Variants in PDSS2 observed in about 807,000 individuals in gnomAD.
The protein encoded by PDSS2 is decaprenyl diphosphate synthase subunit 2, also known as all trans-polyprenyl-diphosphate synthase PDSS2.
A neutral mutation model predicts 44.5 loss-of-function variants in PDSS2; 31 were observed. That is an observed-to-expected ratio of 0.70 (90% CI 0.52 to 0.94). PDSS2 has a LOEUF of 0.94. Ranked by LOEUF, PDSS2 falls within the 40% of genes least tolerant of loss-of-function variation. PDSS2 has a pLI of 0.00. For missense variants in PDSS2, 452 were observed against 482.2 expected, an observed-to-expected ratio of 0.94 and a Z score of 0.59; for synonymous variants, 157 against 180.3, an observed-to-expected ratio of 0.87 and a Z score of 1.03.
At chr6:107,248,268 A>G (rs1053407125) in intron 3 of PDSS2, among the ~76,000 whole-genome samples, 1 of 152,096 alleles carries the variant, frequency 6.6e-6, no homozygotes, top group Non-Finnish European at 1.5e-5. Context: ...AGGCAACTCA[A>G]AGTGCTGGCA....
chr6:107,274,100 T>A lies in PDSS2; in HGVS notation c.559A>T (p.Ile187Phe). The change falls in exon 3 of 8, where the codon ATT becomes TTT. Residue 187 changes from isoleucine (I) to phenylalanine (F), a missense_variant. Ile to Phe is a conservative substitution (Grantham distance 21). Coordinates refer to ENST00000369037, the MANE Select transcript of PDSS2 (RefSeq NM_020381.4). ...AGAAAGTCTCCACTCAGGATAGCAA[T>A]TTTATTTCCAAATTGCATGTCTTTC... ...PLKDMQFGNK[I>F]AILSGDFLLA... is the part of the protein sequence containing the mutation. 6.2e-7 allele frequency: 1 copy of A among 1,613,994 alleles called. No individual in the cohort carries two copies. Among genetic ancestry groups the A allele is most frequent in the South Asian group, 1.1e-5 (1 of 91,082 alleles).
Position 107,334,187 on chromosome 6 carries a change from A to G in PDSS2, c.431+11T>C, listed in dbSNP as rs765100918. 1 of 1,613,124 alleles carries G rather than the reference A, an allele frequency of 6.2e-7. No homozygotes were observed. Among genetic ancestry groups the G allele is most frequent in the Non-Finnish European group, 8.5e-7 (1 of 1,179,314 alleles). On this transcript the variant is annotated intron_variant, in intron 2 of 7. Coordinates refer to ENST00000369037, the MANE Select transcript of PDSS2 (RefSeq NM_020381.4). Reference sequence around the variant, plus strand: ...GTAGAGAGCAATGTCAAAAGACTAAATTCTTCTTACCATGAGTAGATCCCA... The same window carrying G: ...GTAGAGAGCAATGTCAAAAGACTAAGTTCTTCTTACCATGAGTAGATCCCA...
At chr6:107,188,546 C>T (rs1351064945) in intron 7 of PDSS2, among the ~76,000 whole-genome samples, 1 of 152,086 alleles carries the variant, frequency 6.6e-6, no homozygotes, top group Non-Finnish European at 1.5e-5. Flanking sequence ...TAAGAAAAGA[C>T]CAAAGAGATT....
At chr6:107,319,538 A>G (rs1432972122) in intron 2 of PDSS2, among the ~76,000 whole-genome samples, 2 of 152,228 alleles carry the variant, frequency 1.3e-5, no homozygotes, top group African/African-American at 4.8e-5. Context: ...TGAATTTAAT[A>G]AGGGCATTGA....
At chr6:107,458,088 T>G (rs1057194733) in intron 1 of PDSS2, among the ~76,000 whole-genome samples, 1 of 152,166 alleles carries the variant, frequency 6.6e-6, no homozygotes, top group Non-Finnish European at 1.5e-5. Context: ...GTGGATCTGA[T>G]TAAAGAGTAT....
chr6:107,398,818 C>T (rs999521208), intron 1 of PDSS2, among the ~76,000 whole-genome samples: 19 of 152,204 alleles, frequency 1.2e-4, no homozygotes. Context: ...GAAACATGTC[C>T]ATACTTGGAA....
chr6:107,278,908 C>T (rs1211413813), intron 2 of PDSS2, among the ~76,000 whole-genome samples: 1 of 152,144 alleles, frequency 6.6e-6, no homozygotes, highest in African/African-American at 2.4e-5. Flanking sequence ...AACTCAGAGC[C>T]ACCTTGTCAT....
chr6:107,456,492 G>A (rs1782048545), intron 1 of PDSS2, among the ~76,000 whole-genome samples: 1 of 152,150 alleles, frequency 6.6e-6, no homozygotes, highest in Admixed American at 6.5e-5. Context: ...TATCATATTT[G>A]TACATTGCAA....
At chr6:107,171,308 C>T (rs531795354) in intron 7 of PDSS2, among the ~76,000 whole-genome samples, 115 of 151,992 alleles carry the variant, frequency 7.6e-4, no homozygotes, top group African/African-American at 2.3e-3. Flanking sequence ...ACTACAGGCA[C>T]GTGCCACCAT....
chr6:107,210,354 G>A lies in PDSS2; in HGVS notation c.1008+85C>T, dbSNP rs1773154898. The A allele has an allele frequency of 4.0e-6, 4 of 990,108 alleles. No homozygotes were observed. The East Asian group carries it at 9.6e-5, about 24-fold the overall frequency. The allele number at this position is 990,108 out of a possible 1,614,324, so 61.3% of individuals were successfully genotyped here. On this transcript the variant is annotated intron_variant, in intron 6 of 7. Coordinates refer to ENST00000369037, the MANE Select transcript of PDSS2 (RefSeq NM_020381.4). ...TGAATATGCCTAAGGCTCATCTATA[G>A]CCATATATCACCAAGAAATATCAAT...
chr6:107,184,167 A>C (rs1772085612), intron 7 of PDSS2, among the ~76,000 whole-genome samples: 1 of 152,176 alleles, frequency 6.6e-6, no homozygotes, highest in African/African-American at 2.4e-5. Flanking sequence ...AAAGGGGTAC[A>C]GGAAAGAGAA....
rs76344239 is a variant in PDSS2, at chr6:107,422,086, T to TA, written c.296+36903dup. On this transcript the variant is annotated intron_variant, in intron 1 of 7. Transcript: ENST00000369037. ...GCAAAAACCTATAAAATTTTAAAAG[T>TA]AAAAAAAAAAAAAAAACTTAAAACA... Among the ~76,000 whole-genome samples, 1,473 of 109,104 alleles carry TA rather than the reference T, an allele frequency of 0.014. 45 individuals carry two copies. In the East Asian group the frequency reaches 0.14, roughly 10 times the overall value. 71.6% of individuals were successfully genotyped at this position (109,104 alleles called of 152,430 possible). A position where few individuals can be genotyped will look rare whatever the true frequency, so the allele number is the denominator to read the frequency against.
In PDSS2 at chr6:107,232,172, T is replaced by C. The variant is rs1251524983; in HGVS notation, c.702+13376A>G. Among the ~76,000 whole-genome samples the C allele has an allele frequency of 2.6e-5, 4 of 152,136 alleles. No individual in the cohort carries two copies. The East Asian group carries it at 7.7e-4, about 29-fold the overall frequency. On this transcript the variant is annotated intron_variant, in intron 4 of 7. Coordinates refer to ENST00000369037, the MANE Select transcript of PDSS2 (RefSeq NM_020381.4). ...GTAATAACTAAAACAGAATGATAGA[T>C]TCCTTTCCTTAGTTAGATTTACTTG...
chr6:107,377,625 T>G (rs1779325718), intron 1 of PDSS2, among the ~76,000 whole-genome samples: 1 of 152,064 alleles, frequency 6.6e-6, no homozygotes, highest in Non-Finnish European at 1.5e-5. Flanking sequence ...AGCAAAGACT[T>G]GGAACCAACC....
intron 1 of PDSS2, among the ~76,000 whole-genome samples, chr6:107,453,078 T>C (rs1198439122): frequency 2.0e-5 from 3 of 148,168 alleles, no homozygotes; most frequent in Non-Finnish European, 4.5e-5. Context: ...CTATGTTTTC[T>C]TTTTTTTTTG....
chr6:107,447,017 G>C (rs1456710847), intron 1 of PDSS2, among the ~76,000 whole-genome samples: 2 of 152,028 alleles, frequency 1.3e-5, no homozygotes, highest in Non-Finnish European at 2.9e-5. Flanking sequence ...CACAAGGCAA[G>C]TCCCTTCTAC....
At chr6:107,168,427 T>A (rs549832396) in intron 7 of PDSS2, among the ~76,000 whole-genome samples, 2,580 of 152,252 alleles carry the variant, frequency 0.017, 75 homozygotes, top group African/African-American at 0.059. Flanking sequence ...TGACTCTTTA[T>A]CCAATTTGCC....
Position 107,212,388 on chromosome 6 carries a change from C to G in PDSS2, c.703-106G>C, listed in dbSNP as rs1268644469. ...AAGAAACGAACTATTCAAAAACACT[C>G]AGGCTATTGGAACAAGACAGAACTA... On this transcript the variant is annotated intron_variant, in intron 4 of 7. Coordinates refer to ENST00000369037, the MANE Select transcript of PDSS2 (RefSeq NM_020381.4). 1.3e-5 allele frequency: 11 copies of G among 867,782 alleles called. No homozygotes were observed. The Middle Eastern group carries it at 9.8e-4, about 77-fold the overall frequency. The allele number at this position is 867,782 out of a possible 1,614,324, so 53.8% of individuals were successfully genotyped here. A position where few individuals can be genotyped will look rare whatever the true frequency, so the allele number is the denominator to read the frequency against.
At chr6:107,391,894 A>C (rs969633986) in intron 1 of PDSS2, among the ~76,000 whole-genome samples, 1 of 100,016 alleles carries the variant, frequency 1.0e-5, no homozygotes, top group African/African-American at 2.8e-5. Flanking sequence ...AAGTACAAAA[A>C]TAAAAGGGGG....
Sources: gnomAD v4.1 joint callset for allele counts (sites outside exome capture counted in the v4.1 genomes callset) on GRCh38, gnomAD v4.1.1 for gene constraint, MANE v1.5 for transcripts, NCBI Gene and HGNC (gene_info 2026-07-23, HGNC 2026-07-21) for gene names.